The following RBFOX1 variants were observed in gnomAD, a reference collection of about 807,000 sequenced individuals.
RBFOX1 encodes RNA binding protein fox-1 homolog 1.
RBFOX1 carries 8 observed loss-of-function variants against 57.7 expected under a neutral mutation model. The observed-to-expected ratio is 0.14, with a 90% CI of 0.08 to 0.25. RBFOX1 has a LOEUF of 0.25. Ranked by LOEUF, RBFOX1 falls within the 10% of genes least tolerant of loss-of-function variation. RBFOX1 has a pLI of 1.00. For missense variants in RBFOX1, 611 were observed against 548.5 expected, an observed-to-expected ratio of 1.11 and a Z score of -1.14; for synonymous variants, 326 against 222.4, an observed-to-expected ratio of 1.47 and a Z score of -4.15.
At chr16:7,008,368 C>T (rs574033094) in intron 3 of RBFOX1, among the ~76,000 whole-genome samples, 1 of 152,016 alleles carries the variant, frequency 6.6e-6, no homozygotes, top group African/African-American at 2.4e-5. Flanking sequence ...ATGATGAAAC[C>T]CTGTCTCTAC....
At chr16:7,174,248 C>G (rs945095913) in intron 4 of RBFOX1, among the ~76,000 whole-genome samples, 1 of 151,922 alleles carries the variant, frequency 6.6e-6, no homozygotes, top group African/African-American at 2.4e-5. Flanking sequence ...TGTATCACTA[C>G]TTTGTTTCTT....
At chr16:7,010,268 C>G (rs1238968221) in intron 3 of RBFOX1, among the ~76,000 whole-genome samples, 2 of 152,156 alleles carry the variant, frequency 1.3e-5, no homozygotes, top group African/African-American at 4.8e-5. Context: ...TTCTCCAGGA[C>G]CAAGAGAAAA....
At chr16:6,903,470 T>C (rs983870644) in intron 3 of RBFOX1, among the ~76,000 whole-genome samples, 1 of 152,206 alleles carries the variant, frequency 6.6e-6, no homozygotes, top group African/African-American at 2.4e-5. Context: ...TTGAATTCTC[T>C]AGTGTCTAGT....
intron 3 of RBFOX1, among the ~76,000 whole-genome samples, chr16:6,747,967 T>G (rs1305264731): frequency 6.6e-6 from 1 of 152,328 alleles, no homozygotes; most frequent in South Asian, 2.1e-4. Flanking sequence ...TTCTAAATCC[T>G]TTCTCTTTTG....
intron 3 of RBFOX1, among the ~76,000 whole-genome samples, chr16:6,897,466 G>A (rs2067225778): frequency 1.3e-5 from 2 of 152,148 alleles, no homozygotes; most frequent in Non-Finnish European, 2.9e-5. Context: ...AAAACGTGAT[G>A]TGGCTTCCCA....
intron 4 of RBFOX1, among the ~76,000 whole-genome samples, chr16:7,233,733 T>A (rs1270246422): frequency 6.6e-6 from 1 of 152,192 alleles, no homozygotes; most frequent in Admixed American, 6.5e-5. Flanking sequence ...GGTATATGTG[T>A]CAGAGAAACA....
intron 2 of RBFOX1, among the ~76,000 whole-genome samples, chr16:6,370,956 A>G (rs746905034): frequency 4.6e-5 from 7 of 152,330 alleles, no homozygotes; most frequent in South Asian, 2.1e-4. Context: ...ATGACCCTCA[A>G]TTTGGGTCTT....
chr16:7,421,143 G>C (rs1049278248), intron 4 of RBFOX1, among the ~76,000 whole-genome samples: 1 of 152,154 alleles, frequency 6.6e-6, no homozygotes, highest in East Asian at 1.9e-4. Context: ...GAAGGCACTG[G>C]TATTGACCAG....
intron 4 of RBFOX1, among the ~76,000 whole-genome samples, chr16:7,501,171 T>C (rs12447644): frequency 0.51 from 76,832 of 152,070 alleles, 23,696 homozygotes; most frequent in Non-Finnish European, 0.7. Flanking sequence ...ATTTTGATGA[T>C]GGTGATGGAG....
intron 4 of RBFOX1, among the ~76,000 whole-genome samples, chr16:7,397,726 G>T (rs2098165855): frequency 6.6e-6 from 1 of 152,160 alleles, no homozygotes; most frequent in South Asian, 2.1e-4. Context: ...TTTGACATGT[G>T]TATTCACTCT....
chr16:6,939,506 C>CTT (rs796218936), intron 3 of RBFOX1, among the ~76,000 whole-genome samples: 5 of 112,890 alleles, frequency 4.4e-5, no homozygotes, highest in African/African-American at 6.3e-5. Context: ...ATTTTTCTTT[C>CTT]TTTTTTTTTT....
intron 3 of RBFOX1, among the ~76,000 whole-genome samples, chr16:6,926,708 C>A (rs1017884263): frequency 6.6e-6 from 1 of 152,082 alleles, no homozygotes; most frequent in African/African-American, 2.4e-5. Flanking sequence ...CTCTTCTTCC[C>A]GTTAATTCGT....
At position 6,445,813 on chromosome 16, in the gene RBFOX1, C is replaced by A. The variant is rs186246062; in HGVS notation, c.-64+128756C>A. 6.6e-5 allele frequency among the ~76,000 whole-genome samples: 10 copies of A among 152,236 alleles called. No individual in the cohort carries two copies. In the East Asian group the frequency reaches 1.9e-3, roughly 30 times the overall value. On this transcript the variant is annotated intron_variant, in intron 2 of 15. Transcript: ENST00000550418. ...GGCCAGGATGGTCTCGATTTCCTGA[C>A]CTCGTGATCTGCCCTCCTCAGCCTC...
chr16:5,438,483 G>A (rs781334258), intron 1 of RBFOX1, among the ~76,000 whole-genome samples: 2 of 152,118 alleles, frequency 1.3e-5, no homozygotes, highest in African/African-American at 2.4e-5. Flanking sequence ...GCCTGAAAGG[G>A]CCCAGCATTC....
At chr16:6,386,296 G>A (rs908940929) in intron 2 of RBFOX1, among the ~76,000 whole-genome samples, 1 of 152,170 alleles carries the variant, frequency 6.6e-6, no homozygotes, top group Non-Finnish European at 1.5e-5. Flanking sequence ...AGTTTGGGCG[G>A]GACATTTTGG....
chr16:7,152,559 G>T (rs1296642139), intron 4 of RBFOX1, among the ~76,000 whole-genome samples: 1 of 152,092 alleles, frequency 6.6e-6, no homozygotes, highest in Non-Finnish European at 1.5e-5. Context: ...ATAAAGATAG[G>T]CAGTTAGGTT....
At chr16:7,392,642 G>A (rs756693885) in intron 4 of RBFOX1, among the ~76,000 whole-genome samples, 7 of 152,112 alleles carry the variant, frequency 4.6e-5, no homozygotes, top group Non-Finnish European at 8.8e-5. Context: ...TCCCCTATAG[G>A]TTAAGCTGAG....
At chr16:7,697,492 A>C (rs1355441063) in intron 14 of RBFOX1, among the ~76,000 whole-genome samples, 1 of 145,036 alleles carries the variant, frequency 6.9e-6, no homozygotes, top group Non-Finnish European at 1.5e-5. Context: ...TGAGCAAATT[A>C]TGTGTGCTAG....
chr16:5,781,257 A>G (rs1473283457), intron 3 of RBFOX1, among the ~76,000 whole-genome samples: 3 of 152,184 alleles, frequency 2.0e-5, no homozygotes, highest in Admixed American at 2.0e-4. Flanking sequence ...AGTGGGGGAA[A>G]TGGAATTGTA....
Sources: allele counts gnomAD v4.1 joint callset (sites outside exome capture counted in the v4.1 genomes callset), GRCh38; gene constraint gnomAD v4.1.1; transcripts MANE v1.5; gene names NCBI Gene and HGNC (gene_info 2026-07-23, HGNC 2026-07-21).